The following EYA2 variants were observed in gnomAD, a reference collection of about 807,000 sequenced individuals.
EYA2 encodes EYA transcriptional coactivator and phosphatase 2, also known as protein phosphatase EYA2.
In EYA2, 31 loss-of-function variants were observed where a neutral mutation model predicts 69.2. That is an observed-to-expected ratio of 0.45 (90% CI 0.34 to 0.60). EYA2 has a LOEUF of 0.60. Ranked by LOEUF, EYA2 falls within the 20% of genes least tolerant of loss-of-function variation. EYA2 has a pLI of 0.02. For synonymous variants in EYA2, 257 were observed against 279.4 expected (o/e 0.92, Z 0.80); for missense variants, 622 against 701.2 (o/e 0.89, Z 1.28).
chr20:47,114,285 T>C (rs893894057), intron 9 of EYA2, among the ~76,000 whole-genome samples: 2 of 152,152 alleles, frequency 1.3e-5, no homozygotes, highest in African/African-American at 4.8e-5. Flanking sequence ...CCTTTAAGGG[T>C]GACGTTTTTA....
Position 47,074,279 on chromosome 20 carries a change from A to G in EYA2, c.605A>G (p.Tyr202Cys), listed in dbSNP as rs772932365. 15 of 1,613,784 alleles carry G rather than the reference A, an allele frequency of 9.3e-6. No homozygotes were observed. Among genetic ancestry groups the G allele is most frequent in the Admixed American group, 6.7e-5 (4 of 59,970 alleles). Residue 202 changes from tyrosine (Y) to cysteine (C), a missense_variant, in exon 7 of 16, where the codon TAC (tyrosine) becomes TGC (cysteine). Around this residue, in one of 2 missense-constraint regions of EYA2, gnomAD observed 365 missense variants for 349.7 expected, o/e 1.04. Coordinates refer to ENST00000327619, the MANE Select transcript of EYA2 (RefSeq NM_005244.5). ...ICPSPLSTST[Y>C]VLQEASHNVP... is the part of the protein sequence containing the mutation. ...CCTTCGCCCCTCTCCACGTCCACCT[A>G]CGTCCTCCAGGAGGCATCTCACAAC...
At chr20:47,133,846 A>G (rs77411602) in intron 9 of EYA2, among the ~76,000 whole-genome samples, 3,379 of 152,360 alleles carry the variant, frequency 0.022, 118 homozygotes, top group East Asian at 0.09. Context: ...GGTCAGTGAC[A>G]TAGGCATGCG....
chr20:46,981,050 A>C (rs1242475065), intron 1 of EYA2, among the ~76,000 whole-genome samples: 1 of 152,190 alleles, frequency 6.6e-6, no homozygotes, highest in Non-Finnish European at 1.5e-5. Flanking sequence ...TTAGATCCTC[A>C]TGGCAGAACA....
chr20:47,134,839 G>C (rs1378290045), intron 9 of EYA2, among the ~76,000 whole-genome samples: 1 of 151,542 alleles, frequency 6.6e-6, no homozygotes. Flanking sequence ...TACAAAAACA[G>C]ACAACGGGCC....
Position 47,004,191 on chromosome 20 carries a change from C to T in EYA2, c.156-751C>T, listed in dbSNP as rs542164161. On this transcript the variant is annotated intron_variant, in intron 3 of 15. Coordinates refer to ENST00000327619, the MANE Select transcript of EYA2 (RefSeq NM_005244.5). ...TCTAAAAGCATTTTTGGGGGAATAT[C>T]TGGAATAGCTCACAACATAAATGAA... Among the ~76,000 whole-genome samples the T allele has an allele frequency of 3.3e-5, 5 of 152,302 alleles. No individual in the cohort carries two copies. The East Asian group carries it at 7.7e-4, about 24-fold the overall frequency.
At chr20:46,913,282 A>G (rs1021914078) in intron 1 of EYA2, among the ~76,000 whole-genome samples, 3 of 152,114 alleles carry the variant, frequency 2.0e-5, no homozygotes, top group Admixed American at 6.5e-5. Context: ...AGAAGCTCTG[A>G]GTGGGGTTGT....
At chr20:46,988,481 C>T (rs774546548) in intron 1 of EYA2, among the ~76,000 whole-genome samples, 2 of 152,096 alleles carry the variant, frequency 1.3e-5, no homozygotes, top group South Asian at 2.1e-4. Flanking sequence ...AGCACCACAC[C>T]AGCGATCGCT....
intron 1 of EYA2, among the ~76,000 whole-genome samples, chr20:46,909,342 T>G (rs1984533555): frequency 6.6e-6 from 1 of 152,028 alleles, no homozygotes; most frequent in Non-Finnish European, 1.5e-5. Context: ...AGTTGAGTAA[T>G]TCAATGGGGG....
At chr20:47,120,873 T>C (rs2033026687) in intron 9 of EYA2, among the ~76,000 whole-genome samples, 1 of 152,246 alleles carries the variant, frequency 6.6e-6, no homozygotes, top group Non-Finnish European at 1.5e-5. Flanking sequence ...AATTTTATAC[T>C]GTCATCATCT....
At chr20:47,064,112 T>C (rs999385899) in intron 5 of EYA2, among the ~76,000 whole-genome samples, 2 of 152,154 alleles carry the variant, frequency 1.3e-5, no homozygotes, top group South Asian at 2.1e-4. Flanking sequence ...TGCATCACCA[T>C]GCCCGGTTAA....
At chr20:46,959,520 G>A (rs1188377175) in intron 1 of EYA2, among the ~76,000 whole-genome samples, 1 of 152,182 alleles carries the variant, frequency 6.6e-6, no homozygotes, top group Non-Finnish European at 1.5e-5. Context: ...TCGCAGTGAG[G>A]CCCTGTCCCT....
intron 10 of EYA2, among the ~76,000 whole-genome samples, chr20:47,156,063 TACACACACACACACATATATATACATAC>T (rs2033919816): frequency 2.2e-5 from 1 of 45,626 alleles, no homozygotes; most frequent in South Asian, 7.0e-4. Flanking sequence ...TATATATACA[TACACACACACACACATATATATACATAC>T]ACACACACAC....
chr20:47,042,339 G>T (rs1481811902), intron 5 of EYA2, among the ~76,000 whole-genome samples: 2 of 152,194 alleles, frequency 1.3e-5, no homozygotes, highest in Admixed American at 1.3e-4. Flanking sequence ...GAGCTAGGCT[G>T]CCTATTAGAT....
chr20:46,913,041 C>G (rs1257369140), intron 1 of EYA2, among the ~76,000 whole-genome samples: 1 of 152,220 alleles, frequency 6.6e-6, no homozygotes, highest in Non-Finnish European at 1.5e-5. Flanking sequence ...TGATGGCATG[C>G]TGGTAAACTG....
intron 9 of EYA2, among the ~76,000 whole-genome samples, chr20:47,108,598 G>T (rs1230460906): frequency 3.3e-5 from 5 of 152,072 alleles, no homozygotes; most frequent in African/African-American, 1.2e-4. Context: ...TAGAGACAGG[G>T]TCTTGCTCTG....
At chr20:47,053,161 T>C (rs1224369367) in intron 5 of EYA2, among the ~76,000 whole-genome samples, 2 of 151,652 alleles carry the variant, frequency 1.3e-5, no homozygotes, top group African/African-American at 4.9e-5. Flanking sequence ...CAAGGATCCT[T>C]TTTAGACATT....
chr20:47,152,835 A>G (rs1033939441), intron 10 of EYA2, among the ~76,000 whole-genome samples: 1 of 151,444 alleles, frequency 6.6e-6, no homozygotes, highest in South Asian at 2.1e-4. Context: ...AAAGAAAAGA[A>G]AAAAAGAAAC....
intron 10 of EYA2, among the ~76,000 whole-genome samples, chr20:47,153,303 T>C (rs2033859956): frequency 6.6e-6 from 1 of 151,968 alleles, no homozygotes; most frequent in African/African-American, 2.4e-5. Flanking sequence ...TAGGTAATGA[T>C]GCCCAGGATG....
chr20:47,074,381 G>A (rs1482613903), intron 7 of EYA2, 46 bp downstream of exon 7: 2 of 1,593,222 alleles, frequency 1.3e-6, no homozygotes, highest in South Asian at 1.1e-5. Context: ...TGGTCTGAGA[G>A]CTTCTATGAA....
Sources: gnomAD v4.1 joint callset for allele counts (sites outside exome capture counted in the v4.1 genomes callset) on GRCh38, gnomAD v4.1.1 for gene constraint, gnomAD v4.1.1 regional missense constraint, MANE v1.5 for transcripts, NCBI Gene and HGNC (gene_info 2026-07-23, HGNC 2026-07-21) for gene names.